Variants in CDH9 observed in about 807,000 individuals in gnomAD.
CDH9 encodes the protein cadherin 9, also known as cadherin-9.
Under a neutral mutation model 70.9 loss-of-function variants are expected in CDH9, and 28 were observed. The ratio of observed to expected loss-of-function variants is 0.40; its 90% CI spans 0.29 to 0.54. The LOEUF is 0.54. Ranked by LOEUF, CDH9 falls within the 20% of genes least tolerant of loss-of-function variation. The pLI is 0.59. For synonymous variants in CDH9, 409 were observed against 343.1 expected, an observed-to-expected ratio of 1.19 and a Z score of -2.12; for missense variants, 874 against 984.4, an observed-to-expected ratio of 0.89 and a Z score of 1.50.
chr5:26,890,889 T>C (rs967193870), intron 7 of CDH9: 4 of 207,458 alleles, frequency 1.9e-5, no homozygotes, highest in African/African-American at 9.2e-5. Flanking sequence ...TTGAGACACT[T>C]TAAACAGTAA....
At chr5:26,936,791 C>T (rs184785844) in intron 2 of CDH9, among the ~76,000 whole-genome samples, 99 of 151,990 alleles carry the variant, frequency 6.5e-4, no homozygotes, top group Non-Finnish European at 1.1e-3. Flanking sequence ...GTCTTTTCAA[C>T]AAATTATTCT....
chr5:26,986,397 CAG>C (rs768399533), intron 2 of CDH9, among the ~76,000 whole-genome samples: 24 of 151,998 alleles, frequency 1.6e-4, no homozygotes, highest in Admixed American at 4.6e-4. Context: ...TTGTTTATGA[CAG>C]ATTATGGAAT....
chr5:26,956,403 G>A (rs547211361), intron 2 of CDH9, among the ~76,000 whole-genome samples: 1 of 152,192 alleles, frequency 6.6e-6, no homozygotes, highest in South Asian at 2.1e-4. Context: ...TGTGAAAATG[G>A]ACTAACATAG....
chr5:26,988,483 T>C, intron 1 of CDH9, 101 bp from the exon 2 acceptor site: 4 of 1,016,910 alleles, frequency 3.9e-6, no homozygotes, highest in Non-Finnish European at 5.5e-6. Context: ...TTAAATTTTA[T>C]TATGTACTAT....
chr5:26,963,753 T>C (rs938756369), intron 2 of CDH9, among the ~76,000 whole-genome samples: 1 of 152,130 alleles, frequency 6.6e-6, no homozygotes, highest in African/African-American at 2.4e-5. Context: ...AGATACATCA[T>C]TTCAATGGAT....
intron 7 of CDH9, among the ~76,000 whole-genome samples, chr5:26,895,871 C>G (rs1436965584): frequency 6.6e-6 from 1 of 151,960 alleles, no homozygotes; most frequent in African/African-American, 2.4e-5. Context: ...TCGTAGCAAA[C>G]AAAACAGTCC....
rs193014171 is a variant in CDH9, at chr5:27,012,862, T to C, written c.-49-24480A>G. ...CCAAACACTGATATTAAAATTCTAG[T>C]GTTTATTTCAGCTGGAAAGCCCATC... On this transcript the variant is annotated intron_variant, in intron 1 of 11. Coordinates refer to ENST00000231021, the MANE Select transcript of CDH9 (RefSeq NM_016279.4). 2.3e-3 allele frequency among the ~76,000 whole-genome samples: 347 copies of C among 152,138 alleles called. 1 individual carries two copies. Among genetic ancestry groups the C allele is most frequent in the Non-Finnish European group, 3.3e-3 (222 of 67,970 alleles).
At chr5:26,958,638 C>T (rs1741985396) in intron 2 of CDH9, among the ~76,000 whole-genome samples, 1 of 152,096 alleles carries the variant, frequency 6.6e-6, no homozygotes, top group Admixed American at 6.6e-5. Flanking sequence ...GAAGACACTG[C>T]CTCAGTACAA....
chr5:27,006,890 C>T (rs928752678), intron 1 of CDH9, among the ~76,000 whole-genome samples: 1 of 151,966 alleles, frequency 6.6e-6, no homozygotes, highest in Non-Finnish European at 1.5e-5. Flanking sequence ...ACAGCAGACT[C>T]CTTGAGGAGT....
chr5:26,964,324 C>T (rs192184860), intron 2 of CDH9, among the ~76,000 whole-genome samples: 18 of 152,276 alleles, frequency 1.2e-4, no homozygotes, highest in African/African-American at 4.3e-4. Context: ...GTTGTTTCTA[C>T]TCTCTAAGAC....
chr5:26,909,058 A>G (rs1376390229), intron 3 of CDH9, among the ~76,000 whole-genome samples: 1 of 152,136 alleles, frequency 6.6e-6, no homozygotes, highest in Non-Finnish European at 1.5e-5. Context: ...ATCTCGGCTC[A>G]CTACAACCTC....
chr5:26,962,080 G>A (rs531294358), intron 2 of CDH9, among the ~76,000 whole-genome samples: 100 of 152,188 alleles, frequency 6.6e-4, no homozygotes, highest in African/African-American at 2.3e-3. Context: ...TGCGGTGTTT[G>A]TTTTTCAGTT....
chr5:26,976,703 G>T (rs1169816893), intron 2 of CDH9, among the ~76,000 whole-genome samples: 1 of 151,992 alleles, frequency 6.6e-6, no homozygotes, highest in African/African-American at 2.4e-5. Context: ...ATGCATATTT[G>T]ATTTCTCCAT....
intron 7 of CDH9, among the ~76,000 whole-genome samples, chr5:26,892,152 A>C (rs1403627035): frequency 6.6e-6 from 1 of 152,196 alleles, no homozygotes; most frequent in Non-Finnish European, 1.5e-5. Context: ...TTAAAAGATA[A>C]ATTTTTGAAA....
intron 1 of CDH9, among the ~76,000 whole-genome samples, chr5:27,000,472 C>T (rs971560789): frequency 3.9e-5 from 6 of 152,068 alleles, no homozygotes; most frequent in African/African-American, 1.4e-4. Flanking sequence ...CACACCCATA[C>T]ACTCAACAAA....
chr5:27,031,052 A>C (rs1304719568), intron 1 of CDH9, among the ~76,000 whole-genome samples: 1 of 151,760 alleles, frequency 6.6e-6, no homozygotes, highest in Non-Finnish European at 1.5e-5. Flanking sequence ...TAATACGTTT[A>C]AATTTTTCTC....
intron 2 of CDH9, among the ~76,000 whole-genome samples, chr5:26,959,951 G>A (rs1742006709): frequency 6.6e-6 from 1 of 151,968 alleles, no homozygotes; most frequent in African/African-American, 2.4e-5. Context: ...AGTGGTGTAA[G>A]TTGATCACCA....
At chr5:26,989,416 A>C (rs995219494) in intron 1 of CDH9, among the ~76,000 whole-genome samples, 1 of 152,092 alleles carries the variant, frequency 6.6e-6, no homozygotes, top group Non-Finnish European at 1.5e-5. Context: ...TGGAAAAGAA[A>C]ATAACAAAAG....
At chr5:26,969,868 GGTTAAAAAAT>G (rs930477422) in intron 2 of CDH9, among the ~76,000 whole-genome samples, 3 of 4,164 alleles carry the variant, frequency 7.2e-4, no homozygotes, top group African/African-American at 7.7e-4. Flanking sequence ...TTTACTGGCT[GGTTAAAAAAT>G]GTGTGTAACG....
Sources: allele counts gnomAD v4.1 joint callset (sites outside exome capture counted in the v4.1 genomes callset), GRCh38; gene constraint gnomAD v4.1.1; transcripts MANE v1.5; gene names NCBI Gene and HGNC (gene_info 2026-07-23, HGNC 2026-07-21).